Variants in COL26A1 observed in about 807,000 individuals in gnomAD.
COL26A1 encodes collagen alpha-1(XXVI) chain.
COL26A1 carries 41 observed loss-of-function variants against 59.3 expected under a neutral mutation model. The ratio of observed to expected loss-of-function variants is 0.69; its 90% CI spans 0.54 to 0.90. The LOEUF is 0.90. Among genes scored for constraint, COL26A1 ranks in the 40% least tolerant of loss-of-function variants. The probability of loss-of-function intolerance (pLI) is 0.00; values close to 1 mark genes in which losing one functional copy is unlikely to be tolerated. For synonymous variants in COL26A1, 266 were observed against 256.0 expected (o/e 1.04, Z -0.37); for missense variants, 612 against 602.3 (o/e 1.02, Z -0.17).
intron 2 of COL26A1, among the ~76,000 whole-genome samples, chr7:101,428,948 C>T (rs13236002): frequency 0.4 from 58,106 of 145,524 alleles, 14,140 homozygotes; most frequent in Admixed American, 0.55. Flanking sequence ...TTTCTTGAGA[C>T]GGAGTCTCAC....
chr7:101,457,118 T>G (rs1793490799), intron 3 of COL26A1, among the ~76,000 whole-genome samples: 1 of 152,102 alleles, frequency 6.6e-6, no homozygotes, highest in South Asian at 2.1e-4. Context: ...GCTTACTGTT[T>G]GGGGATGCCA....
chr7:101,538,755 T>C (rs1795538271), intron 4 of COL26A1, among the ~76,000 whole-genome samples: 1 of 152,108 alleles, frequency 6.6e-6, no homozygotes, highest in East Asian at 1.9e-4. Context: ...ACACCCCTGC[T>C]GGGGAGGAGC....
chr7:101,486,354 G>A (rs1003748221), intron 3 of COL26A1, among the ~76,000 whole-genome samples: 1 of 152,144 alleles, frequency 6.6e-6, no homozygotes, highest in Non-Finnish European at 1.5e-5. Flanking sequence ...GAGGCTGTCC[G>A]TGTCATACCC....
intron 1 of COL26A1, among the ~76,000 whole-genome samples, chr7:101,388,701 C>A (rs1336033971): frequency 7.9e-5 from 12 of 151,820 alleles, no homozygotes; most frequent in Non-Finnish European, 1.8e-4. Context: ...CTAGCTGGGA[C>A]TAGGGGCACA....
intron 3 of COL26A1, among the ~76,000 whole-genome samples, chr7:101,522,475 G>A (rs1016687648): frequency 1.3e-5 from 2 of 152,192 alleles, no homozygotes; most frequent in Non-Finnish European, 1.5e-5. Flanking sequence ...ATCTGGTGAG[G>A]CTTCCTCACC....
upstream of COL26A1, chr7:101,362,704 G>A (rs1338597369): frequency 1.1e-5 from 4 of 375,208 alleles, no homozygotes; most frequent in East Asian, 2.4e-4. Flanking sequence ...TCTGGCTTTC[G>A]GGGTGTTAGG....
intron 1 of COL26A1, among the ~76,000 whole-genome samples, chr7:101,398,891 G>A (rs1205361120): frequency 2.6e-5 from 4 of 152,114 alleles, no homozygotes; most frequent in Non-Finnish European, 5.9e-5. Flanking sequence ...GGCTGATTCT[G>A]TGCTGGGAAG....
chr7:101,368,713 T>A (rs1021310613), intron 1 of COL26A1, among the ~76,000 whole-genome samples: 1 of 152,146 alleles, frequency 6.6e-6, no homozygotes, highest in African/African-American at 2.4e-5. Flanking sequence ...CTTATGGGGA[T>A]GTGCTTCGTC....
chr7:101,379,212 C>G (rs774497114), intron 1 of COL26A1, among the ~76,000 whole-genome samples: 1 of 152,156 alleles, frequency 6.6e-6, no homozygotes, highest in African/African-American at 2.4e-5. Flanking sequence ...CCATTTCTGC[C>G]GTGATGTGAT....
At chr7:101,479,895 G>A (rs1459038229) in intron 3 of COL26A1, among the ~76,000 whole-genome samples, 2 of 152,074 alleles carry the variant, frequency 1.3e-5, no homozygotes, top group Non-Finnish European at 2.9e-5. Flanking sequence ...TATTTTTCCT[G>A]TGTTGGAAAC....
chr7:101,535,656 G>A (rs1330521038), intron 4 of COL26A1, among the ~76,000 whole-genome samples: 1 of 152,184 alleles, frequency 6.6e-6, no homozygotes, highest in African/African-American at 2.4e-5. Context: ...TCGAGGGCTG[G>A]AGGGAGGGAC....
At chr7:101,517,798 A>ATTTTTTTTTTT (rs869245512) in intron 3 of COL26A1, among the ~76,000 whole-genome samples, 6 of 76,908 alleles carry the variant, frequency 7.8e-5, no homozygotes, top group African/African-American at 2.3e-4. Flanking sequence ...TTCTCCCCGC[A>ATTTTTTTTTTT]TTTTTTTTTT....
intron 1 of COL26A1, among the ~76,000 whole-genome samples, chr7:101,410,050 G>A (rs781384597): frequency 9.2e-5 from 14 of 152,074 alleles, no homozygotes; most frequent in African/African-American, 2.9e-4. Flanking sequence ...GTGAGCCACC[G>A]CACCTGGCCA....
At chr7:101,387,769 TATATATATA>T (rs1344897585) in intron 1 of COL26A1, among the ~76,000 whole-genome samples, 5 of 49,208 alleles carry the variant, frequency 1.0e-4, no homozygotes, top group Non-Finnish European at 1.5e-4. Flanking sequence ...TATATATATA[TATATATATA>T]TTTTTTTTTA....
intron 3 of COL26A1, among the ~76,000 whole-genome samples, chr7:101,490,983 C>A (rs1430902711): frequency 3.5e-3 from 378 of 108,866 alleles, no homozygotes; most frequent in African/African-American, 3.3e-3. Flanking sequence ...GGCTCTGTCT[C>A]AAAAAAAAAA....
chr7:101,363,233 A>C, intron 1 of COL26A1, 43 bp downstream of exon 1: 52 of 738,092 alleles, frequency 7.0e-5, no homozygotes, highest in East Asian at 1.7e-4. Context: ...GGGGGGAGGG[A>C]GCGGACAGCG....
chr7:101,375,598 G>A (rs1312307109), intron 1 of COL26A1, among the ~76,000 whole-genome samples: 1 of 152,012 alleles, frequency 6.6e-6, no homozygotes, highest in African/African-American at 2.4e-5. Context: ...TACTTGGGAG[G>A]GGAGGCTGAG....
intron 3 of COL26A1, among the ~76,000 whole-genome samples, chr7:101,531,729 G>A (rs76939412): frequency 0.021 from 3,119 of 151,994 alleles, 69 homozygotes; most frequent in Non-Finnish European, 0.03. Flanking sequence ...AACTCCCCGT[G>A]GTTTCTCCCC....
chr7:101,470,090 G>A (rs1210846897), intron 3 of COL26A1, among the ~76,000 whole-genome samples: 1 of 151,558 alleles, frequency 6.6e-6, no homozygotes, highest in Non-Finnish European at 1.5e-5. Context: ...CGGAGAAATG[G>A]ATTGCCTTTT....
Sources: allele counts gnomAD v4.1 joint callset (sites outside exome capture counted in the v4.1 genomes callset), GRCh38; gene constraint gnomAD v4.1.1; transcripts MANE v1.5; gene names NCBI Gene and HGNC (gene_info 2026-07-23, HGNC 2026-07-21).